The following ABI3BP variants were observed in gnomAD, a reference collection of about 807,000 sequenced individuals.
The protein encoded by ABI3BP is target of Nesh-SH3.
In ABI3BP, 216 loss-of-function variants were observed where a neutral mutation model predicts 268.6. That is an observed-to-expected ratio of 0.80 (90% confidence interval 0.72 to 0.90). ABI3BP has a LOEUF of 0.90. Ranked by LOEUF, ABI3BP falls within the 40% of genes least tolerant of loss-of-function variation. ABI3BP has a pLI of 0.00. For missense variants in ABI3BP, 2,090 were observed against 2,182.4 expected, an observed-to-expected ratio of 0.96 and a Z score of 0.84; for synonymous variants, 730 against 730.0, an observed-to-expected ratio of 1.00 and a Z score of 0.00.
At position 100,887,298 on chromosome 3, in the gene ABI3BP, A is replaced by C. The variant is rs1471779114; in HGVS notation, c.462-975T>G. ...GAGAACTACATGTATCAATGTGGAT[A>C]GATTTTAGAAACAAAATATCAAATA... On this transcript the variant is annotated intron_variant, in intron 4 of 67. Transcript: ENST00000471714. 2.0e-5 allele frequency among the ~76,000 whole-genome samples: 3 copies of C among 152,088 alleles called. No homozygotes were observed. The East Asian group carries it at 5.8e-4, about 29-fold the overall frequency.
chr3:100,863,462 C>G lies in ABI3BP; in HGVS notation c.1138+540G>C, dbSNP rs570953010. ...TCCTGGGTAGCTGGGATTACAGGCG[C>G]ATGCCACCATGCCAGTCTAATTTTT... On this transcript the variant is annotated intron_variant, in intron 12 of 67. Coordinates refer to ENST00000471714, the MANE Select transcript of ABI3BP (RefSeq NM_001375547.2). 4.5e-3 allele frequency: 707 copies of G among 156,254 alleles called. 6 individuals carry two copies. The highest frequency in any genetic ancestry group is 0.015 in the African/African-American group (644 of 41,564). The allele number at this position is 156,254 out of a possible 1,614,324, so 9.7% of individuals were successfully genotyped here. A position where few individuals can be genotyped will look rare whatever the true frequency, so the allele number is the denominator to read the frequency against.
At chr3:100,873,579 G>A (rs916277482) in intron 9 of ABI3BP, among the ~76,000 whole-genome samples, 3 of 152,150 alleles carry the variant, frequency 2.0e-5, no homozygotes, top group Admixed American at 6.5e-5. Context: ...CCTGACCAGA[G>A]GGTCTGCCCA....
chr3:100,858,671 C>T (rs999749834), intron 14 of ABI3BP, among the ~76,000 whole-genome samples: 1 of 152,172 alleles, frequency 6.6e-6, no homozygotes, highest in Admixed American at 6.5e-5. Flanking sequence ...AAAGCAGCCC[C>T]AGGCATCCAG....
intron 1 of ABI3BP, among the ~76,000 whole-genome samples, chr3:100,965,613 C>A (rs2080998428): frequency 6.6e-6 from 1 of 151,910 alleles, no homozygotes; most frequent in Non-Finnish European, 1.5e-5. Context: ...TATTGAGAAA[C>A]TTCCGTGTAC....
intron 2 of ABI3BP, chr3:100,912,055 C>T (rs962783567): frequency 4.0e-5 from 29 of 732,820 alleles, no homozygotes; most frequent in Non-Finnish European, 7.3e-5. Flanking sequence ...ATCAGTAATG[C>T]TATTCTTGCC....
chr3:100,801,473 A>G (rs949891556), intron 51 of ABI3BP, among the ~76,000 whole-genome samples: 1 of 151,578 alleles, frequency 6.6e-6, no homozygotes, highest in African/African-American at 2.4e-5. Context: ...AGATCTAAAG[A>G]ATTAATTTAT....
In ABI3BP at chr3:100,902,495, G is replaced by T; in HGVS notation, c.328+123C>A. The T allele has an allele frequency of 1.5e-5, 12 of 800,178 alleles. No homozygotes were observed. In the South Asian group the frequency reaches 2.1e-4, roughly 14 times the overall value. The allele number at this position is 800,178 out of a possible 1,614,324, so 49.6% of individuals were successfully genotyped here. ...CAAAAGGGTAAACTGTGGACCCAGG[G>T]CTGACACCTCCTCTACATTCTTAAA... On this transcript the variant is annotated intron_variant, in intron 3 of 67. Coordinates refer to ENST00000471714, the MANE Select transcript of ABI3BP (RefSeq NM_001375547.2).
chr3:100,884,982 A>G (rs1185473491), intron 6 of ABI3BP, among the ~76,000 whole-genome samples: 1 of 76,552 alleles, frequency 1.3e-5, no homozygotes, highest in African/African-American at 3.3e-5. Flanking sequence ...AAGGAAAGAG[A>G]GCATGAGAAA....
At position 100,749,257 on chromosome 3, in the gene ABI3BP, T is replaced by TAGTG. The variant is rs200206121; in HGVS notation, c.*1234_*1237dup. ...GGGTTGGTAGAGCCTGAATAAAACT[T>TAGTG]AGTGATTTTCCTTCTCGATAAAAGG... On this transcript the variant is annotated 3_prime_UTR_variant, in exon 68 of 68. Transcript: ENST00000471714. 102,680 of 159,486 alleles carry TAGTG rather than the reference T, an allele frequency of 0.64. 32,609 individuals are homozygous for TAGTG. The highest frequency in any genetic ancestry group is 0.83 in the South Asian group (4,013 of 4,842). 9.9% of individuals were successfully genotyped at this position (159,486 alleles called of 1,614,324 possible). A position where few individuals can be genotyped will look rare whatever the true frequency, so the allele number is the denominator to read the frequency against.
intron 39 of ABI3BP, among the ~76,000 whole-genome samples, chr3:100,820,606 T>G (rs139111994): frequency 6.6e-6 from 1 of 152,314 alleles, no homozygotes; most frequent in African/African-American, 2.4e-5. Flanking sequence ...TTATAAGTTC[T>G]TTGACAATTA....
chr3:100,950,108 G>A (rs549982680), intron 1 of ABI3BP, among the ~76,000 whole-genome samples: 2 of 152,190 alleles, frequency 1.3e-5, no homozygotes, highest in South Asian at 4.2e-4. Context: ...TCATTTCAGT[G>A]TACTTTGAAT....
At chr3:100,912,028 A>G (rs2056714555) in intron 2 of ABI3BP, 1 of 754,590 alleles carries the variant, frequency 1.3e-6, no homozygotes, top group Admixed American at 1.9e-5. Context: ...AACAACTTCA[A>G]CATCATCCAT....
At chr3:100,920,931 T>C (rs565420479) in intron 2 of ABI3BP, among the ~76,000 whole-genome samples, 1 of 152,336 alleles carries the variant, frequency 6.6e-6, no homozygotes, top group Non-Finnish European at 1.5e-5. Context: ...GCCTCTCAAG[T>C]GAAGACTGAT....
intron 54 of ABI3BP, among the ~76,000 whole-genome samples, chr3:100,794,558 C>T (rs1301182964): frequency 2.6e-5 from 4 of 151,730 alleles, no homozygotes; most frequent in Non-Finnish European, 4.4e-5. Context: ...TTAATAAATA[C>T]TAGATAAGTA....
chr3:100,897,464 A>C (rs1312080541), intron 4 of ABI3BP, among the ~76,000 whole-genome samples: 2 of 152,204 alleles, frequency 1.3e-5, no homozygotes, highest in Admixed American at 1.3e-4. Flanking sequence ...ATATTCACAT[A>C]ATAGACTATC....
At chr3:100,777,030 C>G (rs1456272612) in intron 59 of ABI3BP, among the ~76,000 whole-genome samples, 1 of 152,204 alleles carries the variant, frequency 6.6e-6, no homozygotes, top group Non-Finnish European at 1.5e-5. Context: ...GGCCATGTCA[C>G]TGGGCCTTGA....
chr3:100,891,733 T>G (rs1041670735), intron 4 of ABI3BP, among the ~76,000 whole-genome samples: 25 of 152,200 alleles, frequency 1.6e-4, no homozygotes, highest in Non-Finnish European at 5.9e-5. Flanking sequence ...GATTTTTAAA[T>G]CCTCTTCTTG....
chr3:100,815,845 G>A, intron 44 of ABI3BP, 67 bp downstream of exon 44: 1 of 1,169,838 alleles, frequency 8.5e-7, no homozygotes, highest in South Asian at 1.5e-5. Flanking sequence ...CTCTGGTCAT[G>A]ACAGTGCTCA....
chr3:100,978,860 T>C (rs1354597027), intron 1 of ABI3BP, among the ~76,000 whole-genome samples: 1 of 152,168 alleles, frequency 6.6e-6, no homozygotes, highest in Admixed American at 6.6e-5. Flanking sequence ...TCAGTGATAG[T>C]TGTTTAACAT....
Sources: gnomAD v4.1 joint callset for allele counts (sites outside exome capture counted in the v4.1 genomes callset) on GRCh38, gnomAD v4.1.1 for gene constraint, MANE v1.5 for transcripts, NCBI Gene and HGNC (gene_info 2026-07-23, HGNC 2026-07-21) for gene names.